L3MBTL4: variants seen among roughly 807,000 people sequenced by gnomAD.
L3MBTL4 encodes the protein L3MBTL histone methyl-lysine binding protein 4, also known as lethal(3)malignant brain tumor-like protein 4.
In L3MBTL4, 70 loss-of-function variants were observed where a neutral mutation model predicts 84.5. The ratio of observed to expected loss-of-function variants is 0.83; its 90% CI spans 0.68 to 1.01. The LOEUF (loss-of-function observed/expected upper bound fraction) is 1.01, where lower values mean the gene tolerates loss of function less well. L3MBTL4 is among the 50% of genes least tolerant of loss of function. The probability of loss-of-function intolerance (pLI) is 0.00; values close to 1 mark genes in which losing one functional copy is unlikely to be tolerated. For missense variants in L3MBTL4, 715 were observed against 754.8 expected (o/e 0.95, Z 0.62); for synonymous variants, 274 against 259.8 (o/e 1.05, Z -0.52).
intron 10 of L3MBTL4, among the ~76,000 whole-genome samples, chr18:6,216,939 A>G (rs1320739843): frequency 2.6e-5 from 4 of 152,198 alleles, no homozygotes; most frequent in African/African-American, 2.4e-5. Flanking sequence ...AGAGTCAACA[A>G]TTTTTAAAAA....
intron 4 of L3MBTL4, among the ~76,000 whole-genome samples, chr18:6,275,543 G>A (rs568946930): frequency 6.6e-6 from 1 of 152,176 alleles, no homozygotes; most frequent in African/African-American, 2.4e-5. Context: ...CAGGGAATGT[G>A]TGCTGATGCA....
At chr18:6,286,990 C>T (rs2049622777) in intron 4 of L3MBTL4, among the ~76,000 whole-genome samples, 1 of 152,120 alleles carries the variant, frequency 6.6e-6, no homozygotes, top group Non-Finnish European at 1.5e-5. Context: ...GAACTTTTCC[C>T]CTTCAGTTGG....
intron 15 of L3MBTL4, among the ~76,000 whole-genome samples, chr18:6,087,165 T>C (rs1046475849): frequency 6.6e-6 from 1 of 152,218 alleles, no homozygotes; most frequent in Non-Finnish European, 1.5e-5. Flanking sequence ...GTTGAATGAA[T>C]GAATATGTCT....
At chr18:5,974,116 G>A (rs1294815654) in intron 16 of L3MBTL4, among the ~76,000 whole-genome samples, 1 of 152,172 alleles carries the variant, frequency 6.6e-6, no homozygotes, top group African/African-American at 2.4e-5. Context: ...GTCATTGGGG[G>A]ATTTGGTTGA....
At chr18:6,298,724 A>C (rs2050208572) in intron 4 of L3MBTL4, among the ~76,000 whole-genome samples, 1 of 152,162 alleles carries the variant, frequency 6.6e-6, no homozygotes, top group African/African-American at 2.4e-5. Flanking sequence ...AATACAAAAA[A>C]TTAGCCAGGC....
chr18:6,242,124 C>A (rs1442192561), intron 7 of L3MBTL4, among the ~76,000 whole-genome samples: 1 of 152,198 alleles, frequency 6.6e-6, no homozygotes, highest in Non-Finnish European at 1.5e-5. Context: ...AGAAGTCAAA[C>A]TCCCTGCACA....
chr18:6,071,208 T>C (rs185784335), intron 16 of L3MBTL4, among the ~76,000 whole-genome samples: 2 of 151,274 alleles, frequency 1.3e-5, no homozygotes, highest in African/African-American at 4.8e-5. Flanking sequence ...CTGGCCAACA[T>C]GGTGAAACCC....
At chr18:6,033,981 C>T (rs2055973437) in intron 16 of L3MBTL4, among the ~76,000 whole-genome samples, 2 of 152,048 alleles carry the variant, frequency 1.3e-5, no homozygotes, top group Admixed American at 1.3e-4. Flanking sequence ...AAGGTATTTA[C>T]CTTTATTGAG....
At chr18:6,100,803 G>T (rs1403808546) in intron 14 of L3MBTL4, among the ~76,000 whole-genome samples, 2 of 152,218 alleles carry the variant, frequency 1.3e-5, no homozygotes, top group Non-Finnish European at 2.9e-5. Context: ...ATGTTGGGCT[G>T]CAGGGAAAGT....
intron 1 of L3MBTL4, among the ~76,000 whole-genome samples, chr18:6,373,107 C>A (rs985562884): frequency 1.3e-5 from 2 of 152,116 alleles, no homozygotes; most frequent in African/African-American, 4.8e-5. Context: ...CTCTCCCCCA[C>A]AATATTCTGG....
At chr18:6,042,794 C>T (rs2056459548) in intron 16 of L3MBTL4, among the ~76,000 whole-genome samples, 1 of 152,162 alleles carries the variant, frequency 6.6e-6, no homozygotes. Flanking sequence ...TGCAGGAGTT[C>T]AACTGCCACC....
chr18:6,161,029 A>T (rs1220905937), intron 13 of L3MBTL4, among the ~76,000 whole-genome samples: 1 of 152,236 alleles, frequency 6.6e-6, no homozygotes, highest in African/African-American at 2.4e-5. Context: ...AGATGACCAG[A>T]GCAGGCATGG....
intron 1 of L3MBTL4, among the ~76,000 whole-genome samples, chr18:6,363,032 G>A (rs12966544): frequency 0.011 from 1,657 of 152,256 alleles, 22 homozygotes; most frequent in Non-Finnish European, 0.018. Context: ...AAAAATGGAG[G>A]GGCTGTTTTC....
At chr18:6,082,261 T>C (rs1298802407) in intron 15 of L3MBTL4, 1 of 152,186 alleles carries the variant, frequency 6.6e-6, no homozygotes, top group Non-Finnish European at 1.5e-5. Flanking sequence ...CGATTCAATA[T>C]ATATAATTTT....
At chr18:5,970,360 C>A (rs575202530) in intron 16 of L3MBTL4, among the ~76,000 whole-genome samples, 1 of 152,362 alleles carries the variant, frequency 6.6e-6, no homozygotes, top group East Asian at 1.9e-4. Flanking sequence ...TCAACGGGAT[C>A]TCCATGCACT....
intron 4 of L3MBTL4, among the ~76,000 whole-genome samples, chr18:6,271,595 T>A (rs527817456): frequency 6.6e-6 from 1 of 152,280 alleles, no homozygotes; most frequent in African/African-American, 2.4e-5. Flanking sequence ...TAATCTACGA[T>A]AAGTGTACGT....
chr18:6,259,731 G>A (rs1454091874), intron 5 of L3MBTL4: 1 of 152,020 alleles, frequency 6.6e-6, no homozygotes, highest in Admixed American at 6.6e-5. Flanking sequence ...CTCCCATTCT[G>A]TAGGTTGTCT....
chr18:6,043,656 C>A (rs892302489), intron 16 of L3MBTL4, among the ~76,000 whole-genome samples: 4 of 152,132 alleles, frequency 2.6e-5, no homozygotes, highest in African/African-American at 9.7e-5. Flanking sequence ...CTATCTGCCC[C>A]ACTACAATGT....
chr18:6,189,890 C>T (rs192272198), intron 12 of L3MBTL4, among the ~76,000 whole-genome samples: 2 of 151,956 alleles, frequency 1.3e-5, no homozygotes, highest in Admixed American at 6.5e-5. Context: ...TGTGAGAACC[C>T]CTCAAATACT....
Sources: allele counts gnomAD v4.1 joint callset (sites outside exome capture counted in the v4.1 genomes callset), GRCh38; gene constraint gnomAD v4.1.1; transcripts MANE v1.5; gene names NCBI Gene and HGNC (gene_info 2026-07-23, HGNC 2026-07-21).